ERBB4: variants seen among roughly 807,000 people sequenced by gnomAD.
ERBB4 encodes the protein receptor tyrosine-protein kinase erbB-4.
Under a neutral mutation model 158.0 loss-of-function variants are expected in ERBB4, and 42 were observed. The ratio of observed to expected loss-of-function variants is 0.27; its 90% CI spans 0.21 to 0.34. ERBB4 has a LOEUF of 0.34. ERBB4 is among the 10% of genes least tolerant of loss of function. The pLI is 1.00. For synonymous variants in ERBB4, 583 were observed against 558.7 expected (o/e 1.04, Z -0.61); for missense variants, 1,333 against 1,624.1 (o/e 0.82, Z 3.08).
chr2:212,472,525 G>A (rs1456020852), intron 1 of ERBB4, among the ~76,000 whole-genome samples: 1 of 151,240 alleles, frequency 6.6e-6, no homozygotes, highest in Non-Finnish European at 1.5e-5. Flanking sequence ...GATGTTTTGA[G>A]TTCCATATTA....
At chr2:212,434,752 GAAC>G (rs2092101040) in intron 1 of ERBB4, among the ~76,000 whole-genome samples, 2 of 151,882 alleles carry the variant, frequency 1.3e-5, no homozygotes, top group Non-Finnish European at 2.9e-5. Flanking sequence ...TATGGAATCA[GAAC>G]AACAAGGTTT....
chr2:211,534,811 G>GGA (rs1362608025), intron 20 of ERBB4, among the ~76,000 whole-genome samples: 1 of 152,012 alleles, frequency 6.6e-6, no homozygotes, highest in East Asian at 1.9e-4. Context: ...ATGGGAAGAG[G>GGA]GAGAGAGCGA....
At chr2:211,832,829 T>G (rs1286049336) in intron 3 of ERBB4, among the ~76,000 whole-genome samples, 1 of 149,314 alleles carries the variant, frequency 6.7e-6, no homozygotes, top group Non-Finnish European at 1.5e-5. Context: ...TGCACTGAAT[T>G]GAATAAACTA....
intron 2 of ERBB4, among the ~76,000 whole-genome samples, chr2:212,060,485 A>C (rs1171195966): frequency 1.3e-5 from 2 of 151,040 alleles, no homozygotes; most frequent in Non-Finnish European, 1.5e-5. Context: ...ATTATAAATC[A>C]TGCTGCTATA....
At chr2:211,861,139 TA>T (rs1450334524) in intron 3 of ERBB4, among the ~76,000 whole-genome samples, 9 of 35,690 alleles carry the variant, frequency 2.5e-4, no homozygotes, top group African/African-American at 1.0e-3. Flanking sequence ...TATATATATA[TA>T]TATATATATA....
At chr2:211,999,999 C>T (rs1006209643) in intron 2 of ERBB4, among the ~76,000 whole-genome samples, 1 of 151,566 alleles carries the variant, frequency 6.6e-6, no homozygotes, top group African/African-American at 2.4e-5. Context: ...GGTAACAGAA[C>T]ATTTGAGGGA....
intron 2 of ERBB4, among the ~76,000 whole-genome samples, chr2:212,076,249 C>T (rs907634819): frequency 6.6e-6 from 1 of 151,790 alleles, no homozygotes; most frequent in African/African-American, 2.4e-5. Context: ...ATATTTCGGA[C>T]TTTAATTACT....
intron 19 of ERBB4, among the ~76,000 whole-genome samples, chr2:211,569,327 A>C (rs1335467044): frequency 6.6e-6 from 1 of 152,088 alleles, no homozygotes; most frequent in African/African-American, 2.4e-5. Flanking sequence ...GATATTTTTT[A>C]TCCCGTTAGT....
At position 211,376,423 on chromosome 2, in the gene ERBB4, C is replaced by G; in HGVS notation, c.*7192G>C. On this transcript the variant is annotated 3_prime_UTR_variant, in exon 28 of 28. Coordinates refer to ENST00000342788, the MANE Select transcript of ERBB4 (RefSeq NM_005235.3). ...TAAAAATACTATTCACATTTTCAAA[C>G]ATACAGTAGTATTTTTTGTTTGTTT... 1 of 232,840 alleles carries G rather than the reference C, an allele frequency of 4.3e-6. No homozygotes were observed. Among genetic ancestry groups the G allele is most frequent in the East Asian group, 6.1e-5 (1 of 16,458 alleles). 14.4% of individuals were successfully genotyped at this position (232,840 alleles called of 1,614,324 possible).
At chr2:212,373,226 TTAGG>T (rs752915142) in intron 1 of ERBB4, among the ~76,000 whole-genome samples, 127 of 152,208 alleles carry the variant, frequency 8.3e-4, no homozygotes, top group Middle Eastern at 3.4e-3. Context: ...ATTTTAGAGA[TTAGG>T]TAGAGAGTAC....
At chr2:212,454,915 T>A (rs1688201164) in intron 1 of ERBB4, among the ~76,000 whole-genome samples, 1 of 152,104 alleles carries the variant, frequency 6.6e-6, no homozygotes, top group South Asian at 2.1e-4. Flanking sequence ...TCAGGAGAAA[T>A]GACCGCCACC....
intron 1 of ERBB4, among the ~76,000 whole-genome samples, chr2:212,254,431 G>T (rs2084651113): frequency 1.3e-5 from 2 of 152,134 alleles, no homozygotes; most frequent in South Asian, 4.1e-4. Context: ...AATCCTGTAA[G>T]TGGCAATGAA....
intron 1 of ERBB4, among the ~76,000 whole-genome samples, chr2:212,536,050 A>G (rs1441133748): frequency 6.6e-6 from 1 of 152,166 alleles, no homozygotes; most frequent in Admixed American, 6.5e-5. Flanking sequence ...TTCACTCAAC[A>G]TCTTGTCGCC....
At chr2:212,309,755 G>A (rs1478385924) in intron 1 of ERBB4, among the ~76,000 whole-genome samples, 1 of 98,416 alleles carries the variant, frequency 1.0e-5, no homozygotes, top group Admixed American at 1.1e-4. Flanking sequence ...AGCTTTGAGG[G>A]TATTTTTTTT....
At chr2:211,642,762 T>TA (rs1170810318) in intron 16 of ERBB4, among the ~76,000 whole-genome samples, 1 of 152,012 alleles carries the variant, frequency 6.6e-6, no homozygotes, top group Non-Finnish European at 1.5e-5. Flanking sequence ...CTTACAAACT[T>TA]TTTATCTTAA....
At chr2:211,673,858 T>C (rs2071948582) in intron 13 of ERBB4, among the ~76,000 whole-genome samples, 1 of 127,958 alleles carries the variant, frequency 7.8e-6, no homozygotes, top group Admixed American at 7.7e-5. Flanking sequence ...ATTGATCTAA[T>C]ATCACAACAT....
At position 212,372,163 on chromosome 2, in the gene ERBB4, G is replaced by A. The variant is rs1019968069; in HGVS notation, c.82+166286C>T. 3.9e-5 allele frequency among the ~76,000 whole-genome samples: 6 copies of A among 152,006 alleles called. No individual in the cohort carries two copies. In the South Asian group the frequency reaches 1.0e-3, roughly 26 times the overall value. ...GTAGCCCCCTTTTCCTTACTTAATC[G>A]ATAATACACTAGGTTCAAAGCAAGG... On this transcript the variant is annotated intron_variant, in intron 1 of 27. Transcript: ENST00000342788.
At chr2:212,256,945 G>A (rs921814458) in intron 1 of ERBB4, among the ~76,000 whole-genome samples, 1 of 152,080 alleles carries the variant, frequency 6.6e-6, no homozygotes, top group Non-Finnish European at 1.5e-5. Context: ...AGATTTAGGG[G>A]GTGCATGTGC....
chr2:211,417,835 GGAAAAAGGTAAAAAT>G (rs1178952305), intron 25 of ERBB4, among the ~76,000 whole-genome samples: 5 of 151,946 alleles, frequency 3.3e-5, no homozygotes, highest in Admixed American at 3.3e-4. Context: ...ATATTGACAA[GGAAAAAGGTAAAAAT>G]GGAAATGGTA....
Sources: allele counts gnomAD v4.1 joint callset (sites outside exome capture counted in the v4.1 genomes callset), GRCh38; gene constraint gnomAD v4.1.1; transcripts MANE v1.5; gene names NCBI Gene and HGNC (gene_info 2026-07-23, HGNC 2026-07-21).